MTMR3: variants seen among roughly 807,000 people sequenced by gnomAD.
MTMR3 encodes myotubularin related protein 3.
Under a neutral mutation model 132.4 loss-of-function variants are expected in MTMR3, and 32 were observed. That is an observed-to-expected ratio of 0.24 (90% CI 0.18 to 0.32). The LOEUF (loss-of-function observed/expected upper bound fraction) is 0.32, where lower values mean the gene tolerates loss of function less well. Among genes scored for constraint, MTMR3 ranks in the 10% least tolerant of loss-of-function variants. The probability of loss-of-function intolerance (pLI) is 1.00; values close to 1 mark genes in which losing one functional copy is unlikely to be tolerated. For missense variants in MTMR3, 1,216 were observed against 1,489.6 expected, an observed-to-expected ratio of 0.82 and a Z score of 3.02; for synonymous variants, 556 against 550.3, an observed-to-expected ratio of 1.01 and a Z score of -0.14.
chr22:29,890,579 A>G (rs569883263), intron 1 of MTMR3, among the ~76,000 whole-genome samples: 1 of 152,146 alleles, frequency 6.6e-6, no homozygotes, highest in Admixed American at 6.5e-5. Context: ...ATTTAGATAT[A>G]CTCAAGATGC....
chr22:29,930,400 TA>T lies in MTMR3; in HGVS notation c.-137-26635del, dbSNP rs1163663851. 2.0e-5 allele frequency among the ~76,000 whole-genome samples: 3 copies of T among 152,332 alleles called. No homozygotes were observed. In the South Asian group the frequency reaches 6.2e-4, roughly 32 times the overall value. Reference sequence around the variant, plus strand: ...ATGTAGACTTCCAAACCTAGCATTATATTCACATTAATAATATGAACTTGGC... The same window carrying T: ...ATGTAGACTTCCAAACCTAGCATTATTTCACATTAATAATATGAACTTGGC... On this transcript the variant is annotated intron_variant, in intron 1 of 19. Transcript: ENST00000401950.
chr22:29,916,017 G>A (rs1046435382), intron 1 of MTMR3, among the ~76,000 whole-genome samples: 6 of 151,934 alleles, frequency 3.9e-5, no homozygotes, highest in African/African-American at 1.2e-4. Flanking sequence ...ATCCTATGGC[G>A]TTATGTCTCC....
Position 30,007,216 on chromosome 22 carries a change from C to T in MTMR3, c.774C>T (p.Ala258=). ...ATGAGCATCTGGTACAGTCAGTAGC[C>T]AAAGCTTGTGCCTCTGACTCCCGAT... is the stretch of plus-strand genomic sequence containing the variant. ...ADDEHLVQSV[A]KACASDSRSS... Residue 258 remains alanine (A), a synonymous_variant, in exon 10 of 20, where the codon GCC becomes GCT. Coordinates refer to ENST00000401950, the MANE Select transcript of MTMR3 (RefSeq NM_021090.4). The T allele has an allele frequency of 6.2e-7, 1 of 1,614,158 alleles. No homozygotes were observed.
chr22:29,897,004 A>C (rs1475232740), intron 1 of MTMR3, among the ~76,000 whole-genome samples: 2 of 152,056 alleles, frequency 1.3e-5, no homozygotes, highest in Non-Finnish European at 2.9e-5. Context: ...ATATTTAAAA[A>C]ATTTAGAAAA....
At chr22:29,940,005 C>T (rs965912248) in intron 1 of MTMR3, among the ~76,000 whole-genome samples, 60 of 152,178 alleles carry the variant, frequency 3.9e-4, no homozygotes, top group Admixed American at 7.9e-4. Flanking sequence ...AGGTACTTTG[C>T]GCCTGTAATC....
chr22:29,969,355 T>C (rs2066489019), intron 2 of MTMR3, among the ~76,000 whole-genome samples: 1 of 152,130 alleles, frequency 6.6e-6, no homozygotes, highest in African/African-American at 2.4e-5. Flanking sequence ...GGGCAGTATT[T>C]TCAAAGTATA....
intron 3 of MTMR3, among the ~76,000 whole-genome samples, chr22:29,974,700 G>A (rs2066597872): frequency 6.6e-6 from 1 of 152,128 alleles, no homozygotes; most frequent in African/African-American, 2.4e-5. Context: ...CTTCAGTTCT[G>A]TGCTAAAAGT....
intron 1 of MTMR3, among the ~76,000 whole-genome samples, chr22:29,928,891 G>C (rs1251142836): frequency 6.6e-6 from 1 of 152,132 alleles, no homozygotes; most frequent in Non-Finnish European, 1.5e-5. Flanking sequence ...AGAGTTACTT[G>C]GCTATATGGA....
At chr22:29,923,076 C>T (rs1268161426) in intron 1 of MTMR3, among the ~76,000 whole-genome samples, 2 of 146,376 alleles carry the variant, frequency 1.4e-5, no homozygotes, top group African/African-American at 5.0e-5. Flanking sequence ...GAGTCTTGCT[C>T]TATTGCCCAG....
intron 9 of MTMR3, chr22:30,004,023 T>G (rs1210917518): frequency 6.6e-6 from 1 of 152,190 alleles, no homozygotes; most frequent in Non-Finnish European, 1.5e-5. Context: ...CCTACAGAGG[T>G]AACCAGCTTG....
intron 15 of MTMR3, 45 bp from the exon 16 acceptor site, chr22:30,017,882 G>C: frequency 6.2e-7 from 1 of 1,609,522 alleles, no homozygotes; most frequent in Non-Finnish European, 8.5e-7. Context: ...CATCCTAGAA[G>C]ACTTATTGGG....
intron 3 of MTMR3, among the ~76,000 whole-genome samples, chr22:29,972,644 C>T (rs2066557913): frequency 6.6e-6 from 1 of 152,142 alleles, no homozygotes; most frequent in Admixed American, 6.5e-5. Context: ...GATCTCGGCT[C>T]ACTGCAACCT....
chr22:29,902,908 A>C (rs1311401094), intron 1 of MTMR3, among the ~76,000 whole-genome samples: 1 of 152,154 alleles, frequency 6.6e-6, no homozygotes, highest in Non-Finnish European at 1.5e-5. Flanking sequence ...AGAGAAATAG[A>C]TGAGACCTTT....
At chr22:29,954,253 A>G (rs1327988712) in intron 1 of MTMR3, among the ~76,000 whole-genome samples, 1 of 151,388 alleles carries the variant, frequency 6.6e-6, no homozygotes, top group Non-Finnish European at 1.5e-5. Context: ...GGCTAATTAA[A>G]AAATTTTATT....
chr22:29,956,197 T>C (rs2066186213), intron 1 of MTMR3, among the ~76,000 whole-genome samples: 1 of 152,246 alleles, frequency 6.6e-6, no homozygotes, highest in Non-Finnish European at 1.5e-5. Flanking sequence ...GTTAGATGTT[T>C]TGTCTCTGTA....
chr22:29,978,982 G>A lies in MTMR3; in HGVS notation c.140G>A (p.Arg47His), dbSNP rs780839383. The change falls in exon 5 of 20, where the codon CGT becomes CAT. Residue 47 changes from arginine to histidine, a missense_variant. By Grantham distance (29) the Arg-to-His change is conservative. Coordinates refer to ENST00000401950, the MANE Select transcript of MTMR3 (RefSeq NM_021090.4). ...GGAGAGAGCACAGAGTTTGTGGGCC[G>A]TGCCGAGGATGCCATCATTGCCCTT... ...LHGESTEFVG[R>H]AEDAIIALSN... is the part of the protein sequence containing the mutation. The A allele has an allele frequency of 6.2e-6, 10 of 1,613,740 alleles. No homozygotes were observed. Among genetic ancestry groups the A allele is most frequent in the Admixed American group, 1.7e-5 (1 of 59,976 alleles).
chr22:29,908,777 G>A (rs1027900108), intron 1 of MTMR3, among the ~76,000 whole-genome samples: 26 of 152,098 alleles, frequency 1.7e-4, no homozygotes, highest in African/African-American at 6.3e-4. Context: ...CTATTTCTCA[G>A]TAAAAAGTGC....
chr22:29,974,519 T>G (rs373560569), intron 3 of MTMR3, among the ~76,000 whole-genome samples: 6 of 152,262 alleles, frequency 3.9e-5, no homozygotes, highest in African/African-American at 1.4e-4. Flanking sequence ...CTTCATATTC[T>G]TGCCTTGCTG....
At chr22:29,903,536 T>G (rs1039534423) in intron 1 of MTMR3, among the ~76,000 whole-genome samples, 7 of 151,720 alleles carry the variant, frequency 4.6e-5, no homozygotes, top group Non-Finnish European at 7.4e-5. Flanking sequence ...TGTAGGAACA[T>G]GCCAACATGC....
Sources: gnomAD v4.1 joint callset for allele counts (sites outside exome capture counted in the v4.1 genomes callset) on GRCh38, gnomAD v4.1.1 for gene constraint, MANE v1.5 for transcripts, NCBI Gene and HGNC (gene_info 2026-07-23, HGNC 2026-07-21) for gene names.